Variants in ARHGEF9 observed in about 807,000 individuals in gnomAD.
The protein encoded by ARHGEF9 is rho guanine nucleotide exchange factor 9.
ARHGEF9 carries 2 observed loss-of-function variants against 41.3 expected under a neutral mutation model. The ratio of observed to expected loss-of-function variants is 0.05; its 90% confidence interval spans 0.02 to 0.15. The LOEUF is 0.15. ARHGEF9 is among the 10% of genes least tolerant of loss of function. ARHGEF9 has a pLI of 1.00. For missense variants in ARHGEF9, 225 were observed against 424.7 expected, an observed-to-expected ratio of 0.53 and a Z score of 4.13; for synonymous variants, 160 against 154.4, an observed-to-expected ratio of 1.04 and a Z score of -0.27.
At chrX:63,676,897 G>A (rs1556362869) in intron 5 of ARHGEF9, among the ~76,000 whole-genome samples, 1 of 112,298 alleles carries the variant, frequency 8.9e-6, no homozygotes, top group African/African-American at 3.2e-5. Flanking sequence ...CTACTATATT[G>A]AATAACACAA....
chrX:63,643,868 A>G lies in ARHGEF9; in HGVS notation c.1390+112T>C. 3 of 793,261 alleles carry G rather than the reference A, an allele frequency of 3.8e-6. No individual in the cohort carries two copies. In the Admixed American group the frequency reaches 8.2e-5, roughly 22 times the overall value. 65.4% of individuals were successfully genotyped at this position (793,261 alleles called of 1,213,427 possible). A position where few individuals can be genotyped will look rare whatever the true frequency, so the allele number is the denominator to read the frequency against. On this transcript the variant is annotated intron_variant, in intron 9 of 9. Coordinates refer to ENST00000671741, the MANE Select transcript of ARHGEF9 (RefSeq NM_001353921.2). ...ATCAAGGACACCTAGGGACCTGGAT[A>G]CTCCTCCACCACCCCCAAGTAAACC...
chrX:63,671,745 G>A (rs1556355855), intron 6 of ARHGEF9, among the ~76,000 whole-genome samples: 1 of 112,633 alleles, frequency 8.9e-6, no homozygotes, highest in East Asian at 2.8e-4. Flanking sequence ...ATACACACAA[G>A]AATCGTCAGG....
chrX:63,678,396 G>A lies in ARHGEF9; in HGVS notation c.759C>T (p.Ile253=). The A allele has an allele frequency of 8.3e-7, 1 of 1,207,764 alleles. No individual in the cohort carries two copies. Among genetic ancestry groups the A allele is most frequent in the African/African-American group, 1.7e-5 (1 of 57,755 alleles). The part of the protein sequence containing the change: ...DGFLLTPVQK[I]CKYPLQLAEL... ...CAGCCAACTGTAAGGGATACTTGCA[G>A]ATCTTCTGCACTGGAGTCAAAAGGA... Residue 253 remains isoleucine (I), a synonymous_variant, in exon 5 of 10, where the codon ATC becomes ATT. Transcript: ENST00000671741.
intron 5 of ARHGEF9, among the ~76,000 whole-genome samples, chrX:63,677,120 C>T (rs192528064): frequency 7.8e-4 from 87 of 111,714 alleles, no homozygotes; most frequent in Non-Finnish European, 1.4e-3. Context: ...TTTTAGCAGT[C>T]GGCAGGAGAA....
At chrX:63,783,511 C>T (rs1459873943) in intron 1 of ARHGEF9, among the ~76,000 whole-genome samples, 3 of 111,803 alleles carry the variant, frequency 2.7e-5, no homozygotes, top group African/African-American at 9.8e-5. Context: ...CCGCCTCGGC[C>T]TCCCAAAGTG....
chrX:63,766,850 G>T (rs782437644), intron 1 of ARHGEF9: 2 of 310,750 alleles, frequency 6.4e-6, no homozygotes, highest in Non-Finnish European at 1.2e-5. Flanking sequence ...AGTCCCCCAC[G>T]CGGCCCCTCA....
intron 3 of ARHGEF9, among the ~76,000 whole-genome samples, chrX:63,703,519 T>A (rs782513098): frequency 2.0e-4 from 22 of 112,457 alleles, no homozygotes; most frequent in Non-Finnish European, 3.9e-4. Context: ...GAATGTACTT[T>A]GCCAATCAAA....
At chrX:63,648,019 A>G (rs191818004) in intron 8 of ARHGEF9, among the ~76,000 whole-genome samples, 11 of 111,708 alleles carry the variant, frequency 9.8e-5, no homozygotes, top group African/African-American at 3.3e-4. Context: ...AAGTTGGAAA[A>G]CACTCTGCAG....
chrX:63,658,449 C>A (rs2049006129), intron 7 of ARHGEF9, among the ~76,000 whole-genome samples: 1 of 112,002 alleles, frequency 8.9e-6, no homozygotes, highest in African/African-American at 3.2e-5. Context: ...GAGTTTGATG[C>A]CTTGCTGCCT....
intron 1 of ARHGEF9, among the ~76,000 whole-genome samples, chrX:63,778,181 G>A (rs1556459919): frequency 8.9e-6 from 1 of 112,461 alleles, no homozygotes; most frequent in East Asian, 2.8e-4. Context: ...TCTTGGGAAG[G>A]TTTGGCCTCA....
chrX:63,649,569 A>G (rs1338461820), intron 8 of ARHGEF9, among the ~76,000 whole-genome samples: 1 of 111,944 alleles, frequency 8.9e-6, no homozygotes, highest in Admixed American at 9.5e-5. Context: ...AGGTAGCAGA[A>G]TGCAAGAAAT....
intron 3 of ARHGEF9, chrX:63,701,530 C>T (rs782407737): frequency 8.9e-6 from 1 of 111,820 alleles, no homozygotes; most frequent in African/African-American, 3.2e-5. Flanking sequence ...CAACTAAATG[C>T]TAATTAGTTC....
chrX:63,702,847 A>T (rs2052278477), intron 3 of ARHGEF9, among the ~76,000 whole-genome samples: 1 of 112,006 alleles, frequency 8.9e-6, no homozygotes, highest in Non-Finnish European at 1.9e-5. Flanking sequence ...ACTAGAGAAA[A>T]AGTAAGAGCC....
intron 2 of ARHGEF9, among the ~76,000 whole-genome samples, chrX:63,721,156 T>C (rs1352410472): frequency 9.0e-6 from 1 of 111,731 alleles, no homozygotes; most frequent in Admixed American, 9.5e-5. Flanking sequence ...TGAAAAGCTT[T>C]TCCCAAGTAT....
chrX:63,655,771 G>A, intron 7 of ARHGEF9, 34 bp from the exon 8 acceptor site: 1 of 1,200,507 alleles, frequency 8.3e-7, no homozygotes, highest in South Asian at 1.8e-5. Flanking sequence ...TTGAAGGTAT[G>A]TGCACGGCGA....
chrX:63,762,834 C>G (rs2056056100), intron 1 of ARHGEF9, among the ~76,000 whole-genome samples: 1 of 111,654 alleles, frequency 9.0e-6, no homozygotes, highest in Admixed American at 9.5e-5. Flanking sequence ...GACATCAAGA[C>G]CAACCCCTCC....
At chrX:63,678,239 T>A (rs1160095884) in intron 5 of ARHGEF9, 101 bp downstream of exon 5, 70 of 724,894 alleles carry the variant, frequency 9.7e-5, no homozygotes, top group Non-Finnish European at 1.3e-4. Flanking sequence ...TGCAGATAAG[T>A]TAACAGAAGC....
intron 1 of ARHGEF9, among the ~76,000 whole-genome samples, chrX:63,751,638 G>A (rs1402079937): frequency 8.9e-6 from 1 of 111,733 alleles, no homozygotes; most frequent in African/African-American, 3.3e-5. Flanking sequence ...CTAATGGAAG[G>A]GCTCATTCAA....
chrX:63,708,814 A>C (rs1288699492), intron 2 of ARHGEF9, among the ~76,000 whole-genome samples: 2 of 112,370 alleles, frequency 1.8e-5, no homozygotes, highest in African/African-American at 6.5e-5. Flanking sequence ...GACAGAAATC[A>C]CTGCCCTTTA....
Sources: allele counts gnomAD v4.1 joint callset (sites outside exome capture counted in the v4.1 genomes callset), GRCh38; gene constraint gnomAD v4.1.1; transcripts MANE v1.5; gene names NCBI Gene and HGNC (gene_info 2026-07-23, HGNC 2026-07-21).